Variants in RNF34 observed in about 807,000 individuals in gnomAD.
The protein encoded by RNF34 is ring finger protein 34.
Under a neutral mutation model 37.9 loss-of-function variants are expected in RNF34, and 12 were observed. The ratio of observed to expected loss-of-function variants is 0.32; its 90% CI spans 0.20 to 0.51. The LOEUF (loss-of-function observed/expected upper bound fraction) is 0.51. Ranked by LOEUF, RNF34 falls within the 20% of genes least tolerant of loss-of-function variation. The pLI, the probability that RNF34 is intolerant of heterozygous loss-of-function variation, is 0.97. For synonymous variants in RNF34, 155 were observed against 177.2 expected (o/e 0.87, Z 1.00); for missense variants, 362 against 472.7 (o/e 0.77, Z 2.17).
chr12:121,416,262 G>C lies in RNF34; in HGVS notation c.110G>C (p.Gly37Ala), dbSNP rs1479168907. ...GQQSAFAGAT[G>A]PFRFTPNPEF... ...CAGTCAGCATTTGCAGGAGCCACCG[G>C]TCCATTCAGATTTACACCAAACCCT... Residue 37 changes from glycine (G) to alanine (A), a missense_variant, in exon 2 of 6, where the codon GGT (glycine) becomes GCT (alanine). By Grantham distance (60) the Gly-to-Ala change is moderately conservative. Transcript: ENST00000361234. 1 of 1,613,942 alleles carries C rather than the reference G, an allele frequency of 6.2e-7. No individual in the cohort carries two copies. The highest frequency in any genetic ancestry group is 8.5e-7 in the Non-Finnish European group (1 of 1,180,002).
chr12:121,420,838 G>A, intron 5 of RNF34, 60 bp downstream of exon 5: 3 of 1,310,542 alleles, frequency 2.3e-6, no homozygotes, highest in Middle Eastern at 3.9e-4. Context: ...TAAAAACTGG[G>A]TTGTTTTTGT....
chr12:121,420,759 T>C lies in RNF34; in HGVS notation c.909T>C (p.Asn303=). 1 of 1,613,366 alleles carries C rather than the reference T, an allele frequency of 6.2e-7. No homozygotes were observed. Among genetic ancestry groups the C allele is most frequent in the Non-Finnish European group, 8.5e-7 (1 of 1,179,292 alleles). Residue 303 remains asparagine, a synonymous_variant, in exon 5 of 6, where the codon AAT becomes AAC. Coordinates refer to ENST00000361234, the MANE Select transcript of RNF34 (RefSeq NM_025126.4). ...VEKVNRLYKE[N]EENQKSYGER... is the part of the protein sequence containing the mutation. ...AAGTAAACCGGTTATACAAAGAGAA[T>C]GAAGAAAACCAAAAGTCCTGTAGGT...
chr12:121,407,350 C>T (rs1178602563), intron 1 of RNF34, among the ~76,000 whole-genome samples: 1 of 152,164 alleles, frequency 6.6e-6, no homozygotes, highest in Non-Finnish European at 1.5e-5. Context: ...AAAGAAGGCA[C>T]CACTTTGGAA....
intron 1 of RNF34, among the ~76,000 whole-genome samples, chr12:121,402,009 T>C (rs1291408557): frequency 6.6e-6 from 1 of 152,214 alleles, no homozygotes; most frequent in Non-Finnish European, 1.5e-5. Flanking sequence ...TATATTGAAA[T>C]TGTTTAATTG....
At chr12:121,420,105 G>T in intron 3 of RNF34, 137 bp from the exon 4 acceptor site, 1 of 748,976 alleles carries the variant, frequency 1.3e-6, no homozygotes, top group Non-Finnish European at 2.2e-6. Flanking sequence ...TTTTGGAAGG[G>T]TCAGCAGCAT....
chr12:121,423,433 C>T lies in RNF34; in HGVS notation c.976C>T (p.Arg326Cys), dbSNP rs868909127. 3.7e-6 allele frequency: 6 copies of T among 1,612,664 alleles called. No individual in the cohort carries two copies. Among genetic ancestry groups the T allele is most frequent in the South Asian group, 2.2e-5 (2 of 90,782 alleles). ...GGATGAGGAAGACGACAGCCTGTGT[C>T]GCATCTGCATGGATGCCGTCATCGA... ...LQDEEDDSLC[R>C]ICMDAVIDCV... is the part of the protein sequence containing the mutation. The change falls in exon 6 of 6, where the codon CGC becomes TGC. Residue 326 changes from arginine (R) to cysteine (C), a missense_variant. By Grantham distance (180) the Arg-to-Cys change is radical. Transcript: ENST00000361234. The surrounding 1 kb of genome is among the most constrained non-coding windows in gnomAD (Gnocchi z 4.3).
chr12:121,414,573 A>G (rs1362749331), intron 1 of RNF34, among the ~76,000 whole-genome samples: 2 of 152,268 alleles, frequency 1.3e-5, no homozygotes, highest in Non-Finnish European at 1.5e-5. Flanking sequence ...AGTAGCAAAT[A>G]GCCCTTACGC....
chr12:121,417,906 G>A lies in RNF34; in HGVS notation c.628G>A (p.Ala210Thr). ...GDQTSRSGVPAQVQSEITSAN... is the reference protein window; with the variant it reads ...GDQTSRSGVPTQVQSEITSAN... ...CCAAACATCCAGATCTGGAGTGCCGGCACAGGTACGAGGGGGTAACTAATT... is the reference window on the plus strand; with the variant it reads ...CCAAACATCCAGATCTGGAGTGCCGACACAGGTACGAGGGGGTAACTAATT... Residue 210 changes from alanine to threonine, a missense_variant, in exon 3 of 6, where the codon GCA becomes ACA. Physicochemically the swap from Ala to Thr is moderately conservative, Grantham distance 58 (BLOSUM62 0). Transcript: ENST00000361234. The surrounding 1 kb of genome is among the most constrained non-coding windows in gnomAD (Gnocchi z 5.0). The A allele has an allele frequency of 6.2e-7, 1 of 1,613,586 alleles. No homozygotes were observed. Among genetic ancestry groups the A allele is most frequent in the South Asian group, 1.1e-5 (1 of 91,042 alleles).
intron 1 of RNF34, 136 bp downstream of exon 1, chr12:121,400,354 G>C: frequency 9.0e-7 from 1 of 1,115,028 alleles, no homozygotes; most frequent in Non-Finnish European, 1.2e-6. Context: ...GGGGTCGCTT[G>C]CCCGGCTTCA....
At position 121,417,648 on chromosome 12, in the gene RNF34, C is replaced by CG; in HGVS notation, c.372dup (p.Gln125AlafsTer15). ...AATGCGACTGAAGGTGAAGGACCTGCGGCAGTATCTCATTCTGAGAAATAT... is the reference window on the plus strand; with the variant it reads ...AATGCGACTGAAGGTGAAGGACCTGCGGGCAGTATCTCATTCTGAGAAATAT... On this transcript the variant is annotated frameshift_variant, in exon 3 of 6. Transcript: ENST00000361234. LOFTEE classifies it high-confidence loss of function. This position sits in a 1 kb window ranked among gnomAD's most constrained non-coding sequence, Gnocchi z 5.0. 1 of 1,614,130 alleles carries CG rather than the reference C, an allele frequency of 6.2e-7. No individual in the cohort carries two copies. The highest frequency in any genetic ancestry group is 8.5e-7 in the Non-Finnish European group (1 of 1,180,020).
rs372895681 is a variant in RNF34 at position 121,403,521 on chromosome 12, G to A, written c.6+3303G>A. Among the ~76,000 whole-genome samples the A allele has an allele frequency of 1.4e-4, 22 of 152,012 alleles. No individual in the cohort carries two copies. In the East Asian group the frequency reaches 3.5e-3, roughly 24 times the overall value. ...CTAACCAAGATTAAACTGTAAAACC[G>A]ATTATTTTATATCACCGTTGCTAAG... On this transcript the variant is annotated intron_variant, in intron 1 of 5. Transcript: ENST00000361234.
chr12:121,406,553 C>T (rs1169533564), intron 1 of RNF34, among the ~76,000 whole-genome samples: 2 of 152,180 alleles, frequency 1.3e-5, no homozygotes, highest in Non-Finnish European at 2.9e-5. Context: ...TCCCAAAGTG[C>T]TAGGATTACA....
At chr12:121,408,046 C>G (rs576528278) in intron 1 of RNF34, among the ~76,000 whole-genome samples, 1 of 152,262 alleles carries the variant, frequency 6.6e-6, no homozygotes, top group African/African-American at 2.4e-5. Flanking sequence ...TAGCTCATGC[C>G]TGTAATCCCA....
intron 1 of RNF34, among the ~76,000 whole-genome samples, chr12:121,414,248 A>G (rs74709796): frequency 0.027 from 4,138 of 152,374 alleles, 99 homozygotes; most frequent in Non-Finnish European, 0.037. Context: ...TACCTCAGCT[A>G]TCTCGACTTC....
intron 5 of RNF34, 44 bp downstream of exon 5, chr12:121,420,822 G>A (rs1555283250): frequency 1.3e-6 from 2 of 1,493,566 alleles, no homozygotes; most frequent in Non-Finnish European, 1.9e-6. Flanking sequence ...TTTTTCCTTA[G>A]GCTTTTAAAA....
chr12:121,412,376 A>C (rs1334859462), intron 1 of RNF34, among the ~76,000 whole-genome samples: 2 of 150,940 alleles, frequency 1.3e-5, no homozygotes, highest in East Asian at 3.9e-4. Context: ...AGTAGCTGGG[A>C]CTACAGGTGC....
chr12:121,413,106 A>G (rs1332234630), intron 1 of RNF34, among the ~76,000 whole-genome samples: 2 of 148,240 alleles, frequency 1.3e-5, no homozygotes, highest in African/African-American at 5.1e-5. Context: ...GCTCACTGCA[A>G]CCTCCGCCTC....
rs1872392234 is a variant in RNF34, at chr12:121,424,150, T to G, written c.*574T>G. ...CATTCTCTAGTCGACTGCCAGGGCC[T>G]TAGACTCCACATGTCCATTTTTGTT... On this transcript the variant is annotated 3_prime_UTR_variant, in exon 6 of 6. Transcript: ENST00000361234. The G allele has an allele frequency of 6.5e-6, 1 of 152,806 alleles. No homozygotes were observed. The highest frequency in any genetic ancestry group is 2.1e-4 in the South Asian group (1 of 4,840). The allele number at this position is 152,806 out of a possible 1,614,324, so 9.5% of individuals were successfully genotyped here. A position where few individuals can be genotyped will look rare whatever the true frequency, so the allele number is the denominator to read the frequency against.
chr12:121,405,353 C>A (rs1555280535), intron 1 of RNF34, among the ~76,000 whole-genome samples: 1 of 152,174 alleles, frequency 6.6e-6, no homozygotes, highest in Non-Finnish European at 1.5e-5. Flanking sequence ...GAGTTCTGGT[C>A]TCCACTCAAC....
Sources: gnomAD v4.1 joint callset for allele counts (sites outside exome capture counted in the v4.1 genomes callset) on GRCh38, gnomAD v4.1.1 for gene constraint, Gnocchi (gnomAD v3.1) non-coding constraint, MANE v1.5 for transcripts, NCBI Gene and HGNC (gene_info 2026-07-23, HGNC 2026-07-21) for gene names.